Variants in DACH1 observed in about 807,000 individuals in gnomAD.
DACH1 encodes dachshund family transcription factor 1, also known as dachshund homolog 1.
DACH1 carries 12 observed loss-of-function variants against 54.2 expected under a neutral mutation model. The ratio of observed to expected loss-of-function variants is 0.22; its 90% CI spans 0.14 to 0.36. DACH1 has a LOEUF of 0.36. DACH1 is among the 10% of genes least tolerant of loss of function. The pLI is 1.00. For synonymous variants in DACH1, 386 were observed against 366.2 expected (o/e 1.05, Z -0.62); for missense variants, 805 against 929.8 (o/e 0.87, Z 1.75).
At chr13:71,730,476 A>G (rs1883690638) in intron 1 of DACH1, among the ~76,000 whole-genome samples, 1 of 152,230 alleles carries the variant, frequency 6.6e-6, no homozygotes, top group Non-Finnish European at 1.5e-5. Flanking sequence ...TGAAATAAGC[A>G]TGAGTCATGC....
At chr13:71,477,791 G>C (rs938070077) in intron 8 of DACH1, among the ~76,000 whole-genome samples, 1 of 152,114 alleles carries the variant, frequency 6.6e-6, no homozygotes, top group Non-Finnish European at 1.5e-5. Flanking sequence ...AACCAAATGG[G>C]ATCGTCATGT....
intron 1 of DACH1, among the ~76,000 whole-genome samples, chr13:71,682,956 G>A (rs1272799692): frequency 6.6e-6 from 1 of 151,926 alleles, no homozygotes; most frequent in Non-Finnish European, 1.5e-5. Flanking sequence ...TCATTTATTT[G>A]GCCAAAACGT....
intron 10 of DACH1, among the ~76,000 whole-genome samples, chr13:71,457,183 G>A (rs1266811028): frequency 1.3e-5 from 2 of 151,958 alleles, no homozygotes; most frequent in African/African-American, 4.8e-5. Flanking sequence ...TACAATGAGA[G>A]TAAATTATTG....
intron 1 of DACH1, among the ~76,000 whole-genome samples, chr13:71,726,945 G>A (rs1052702904): frequency 1.7e-4 from 26 of 151,880 alleles, no homozygotes; most frequent in African/African-American, 6.3e-4. Flanking sequence ...AAAATAAATA[G>A]ATCTATACAT....
chr13:71,441,083 G>C (rs1361812096), intron 10 of DACH1, among the ~76,000 whole-genome samples: 1 of 151,956 alleles, frequency 6.6e-6, no homozygotes, highest in Non-Finnish European at 1.5e-5. Flanking sequence ...TCTCCATCAG[G>C]AAAGACTGAA....
chr13:71,597,169 A>G (rs1874156120), intron 3 of DACH1, among the ~76,000 whole-genome samples: 1 of 152,176 alleles, frequency 6.6e-6, no homozygotes, highest in African/African-American at 2.4e-5. Flanking sequence ...TCTGAGCTAG[A>G]ACCTCATGAC....
At chr13:71,840,493 C>T (rs9564850) in intron 1 of DACH1, among the ~76,000 whole-genome samples, 9,284 of 152,116 alleles carry the variant, frequency 0.061, 1,038 homozygotes, top group East Asian at 0.57. Context: ...CTCACAACCC[C>T]GATTAATAGA....
intron 6 of DACH1, among the ~76,000 whole-genome samples, chr13:71,538,812 A>G (rs1882963991): frequency 6.6e-6 from 1 of 152,106 alleles, no homozygotes; most frequent in African/African-American, 2.4e-5. Context: ...ACAAAAATAA[A>G]CACAAGATTC....
intron 6 of DACH1, among the ~76,000 whole-genome samples, chr13:71,511,601 A>T (rs367950330): frequency 6.6e-6 from 1 of 152,000 alleles, no homozygotes; most frequent in Non-Finnish European, 1.5e-5. Context: ...AAGTAAAAAG[A>T]GAAAAACTCA....
chr13:71,533,769 A>AACACACAC (rs141125520), intron 6 of DACH1, among the ~76,000 whole-genome samples: 20 of 148,198 alleles, frequency 1.3e-4, no homozygotes, highest in African/African-American at 4.9e-4. Flanking sequence ...CACACACACA[A>AACACACAC]ACACACACAC....
intron 1 of DACH1, among the ~76,000 whole-genome samples, chr13:71,753,557 C>A (rs1266766455): frequency 6.6e-6 from 1 of 152,078 alleles, no homozygotes; most frequent in African/African-American, 2.4e-5. Flanking sequence ...GTTAGTATAT[C>A]CAGGTCTGAA....
rs1035456331 is a variant in DACH1 at position 71,479,297 on chromosome 13, A to G, written c.1742T>C (p.Ile581Thr). The change falls in exon 8 of 11, where the codon ATA becomes ACA. Residue 581 changes from isoleucine (I) to threonine (T), a missense_variant. By Grantham distance (89) the Ile-to-Thr change is moderately conservative (BLOSUM62 -1). Coordinates refer to ENST00000613252, the MANE Select transcript of DACH1 (RefSeq NM_080759.6). ...TTTCTCTTGAGCTCTGGCATTATCT[A>G]TGGCAACTTTCAACAGCCCCTGTAC... ...TNIQGLLKVA[I>T]DNARAQEKQV... 3 of 1,613,190 alleles carry G rather than the reference A, an allele frequency of 1.9e-6. No individual in the cohort carries two copies. Among genetic ancestry groups the G allele is most frequent in the African/African-American group, 1.3e-5 (1 of 74,862 alleles).
intron 3 of DACH1, among the ~76,000 whole-genome samples, chr13:71,580,480 G>A (rs1872753939): frequency 6.6e-6 from 1 of 152,282 alleles, no homozygotes; most frequent in South Asian, 2.1e-4. Flanking sequence ...TTATGCTCAT[G>A]TACAAATGTT....
chr13:71,848,476 C>T (rs1377841341), intron 1 of DACH1, among the ~76,000 whole-genome samples: 1 of 151,790 alleles, frequency 6.6e-6, no homozygotes, highest in East Asian at 1.9e-4. Flanking sequence ...TTTCTTCGTG[C>T]TTTGTAAGCT....
At chr13:71,649,548 A>G (rs2138619137) in intron 2 of DACH1, among the ~76,000 whole-genome samples, 1 of 152,304 alleles carries the variant, frequency 6.6e-6, no homozygotes, top group East Asian at 1.9e-4. Context: ...TAAGCAATCC[A>G]TATATGTAGG....
At position 71,866,165 on chromosome 13, in the gene DACH1, G is replaced by A. The variant is rs759471292; in HGVS notation, c.605C>T (p.Thr202Met). Residue 202 changes from threonine to methionine, a missense_variant, in exon 1 of 11, where the codon ACG becomes ATG. Coordinates refer to ENST00000613252, the MANE Select transcript of DACH1 (RefSeq NM_080759.6). ...GCAGATCAGCTCGCAGCCCTCCACCGTGAAGGAAGCCACTTTGGCCCCCCT... is the reference window on the plus strand; with the variant it reads ...GCAGATCAGCTCGCAGCCCTCCACCATGAAGGAAGCCACTTTGGCCCCCCT... ...DLRGAKVASFTVEGCELICLP... is the reference protein window; with the variant it reads ...DLRGAKVASFMVEGCELICLP... 6.2e-7 allele frequency: 1 copy of A among 1,612,846 alleles called. No individual in the cohort carries two copies. The highest frequency in any genetic ancestry group is 8.5e-7 in the Non-Finnish European group (1 of 1,179,430).
chr13:71,534,493 A>C (rs1425670051), intron 6 of DACH1, among the ~76,000 whole-genome samples: 1 of 151,904 alleles, frequency 6.6e-6, no homozygotes, highest in Non-Finnish European at 1.5e-5. Context: ...ATCATATTGA[A>C]GTTCTACTTC....
Position 71,553,168 on chromosome 13 carries a change from TC to T in DACH1, c.1570+3855del, listed in dbSNP as rs1429724671. ...TCCATATATGTATATTAGACATATATCCATATATGTATATTAGACATATATC... is the reference window on the plus strand; with the variant it reads ...TCCATATATGTATATTAGACATATATCATATATGTATATTAGACATATATC... On this transcript the variant is annotated intron_variant, in intron 6 of 10. Coordinates refer to ENST00000613252, the MANE Select transcript of DACH1 (RefSeq NM_080759.6). Among the ~76,000 whole-genome samples, 4 of 67,170 alleles carry T rather than the reference TC, an allele frequency of 6.0e-5. No homozygotes were observed. The Admixed American group carries it at 7.8e-4, about 13-fold the overall frequency. 44.1% of individuals were successfully genotyped at this position (67,170 alleles called of 152,430 possible). A position where few individuals can be genotyped will look rare whatever the true frequency, so the allele number is the denominator to read the frequency against.
intron 2 of DACH1, among the ~76,000 whole-genome samples, chr13:71,680,156 T>C (rs1880811738): frequency 6.6e-6 from 1 of 152,218 alleles, no homozygotes; most frequent in Admixed American, 6.5e-5. Flanking sequence ...ATTCAGTTAC[T>C]TGAAAAACAT....
Sources: allele counts gnomAD v4.1 joint callset (sites outside exome capture counted in the v4.1 genomes callset), GRCh38; gene constraint gnomAD v4.1.1; transcripts MANE v1.5; gene names NCBI Gene and HGNC (gene_info 2026-07-23, HGNC 2026-07-21).